Variants in LRBA observed in about 807,000 individuals in gnomAD.
LRBA encodes the protein LPS responsive beige-like anchor protein.
In LRBA, 176 loss-of-function variants were observed where a neutral mutation model predicts 330.0. The observed-to-expected ratio is 0.53, with a 90% CI of 0.47 to 0.60. The LOEUF (loss-of-function observed/expected upper bound fraction) is 0.60, where lower values mean the gene tolerates loss of function less well. Ranked by LOEUF, LRBA falls within the 20% of genes least tolerant of loss-of-function variation. LRBA has a pLI of 0.00. For missense variants in LRBA, 3,259 were observed against 3,444.8 expected (o/e 0.95, Z 1.35); for synonymous variants, 1,230 against 1,193.0 (o/e 1.03, Z -0.64).
At chr4:150,307,829 T>G (rs892836627) in intron 52 of LRBA, among the ~76,000 whole-genome samples, 1 of 152,172 alleles carries the variant, frequency 6.6e-6, no homozygotes, top group Admixed American at 6.5e-5. Flanking sequence ...CCCATAGACT[T>G]AAACATCTAG....
intron 34 of LRBA, among the ~76,000 whole-genome samples, chr4:150,796,270 C>G (rs1263597702): frequency 1.3e-5 from 2 of 151,912 alleles, no homozygotes; most frequent in Non-Finnish European, 2.9e-5. Context: ...CAAAATAAAT[C>G]ACTTTTGTGA....
rs764342719 is a variant in LRBA, at chr4:150,870,633, T to A, written c.2368-27A>T. 2.5e-5 allele frequency: 27 copies of A among 1,059,844 alleles called. No individual in the cohort carries two copies. The Middle Eastern group carries it at 2.2e-3, about 87-fold the overall frequency. 65.7% of individuals were successfully genotyped at this position (1,059,844 alleles called of 1,614,324 possible). On this transcript the variant is annotated intron_variant, in intron 19 of 56. Coordinates refer to ENST00000651943, the MANE Select transcript of LRBA (RefSeq NM_001364905.1). Reference sequence around the variant, plus strand: ...TACAGAAGTAAAACAATGGATTACATTAGCAAATCACTGGATTAGCATCAC... The same window carrying A: ...TACAGAAGTAAAACAATGGATTACAATAGCAAATCACTGGATTAGCATCAC...
intron 36 of LRBA, among the ~76,000 whole-genome samples, chr4:150,728,657 TA>T (rs1730031403): frequency 7.2e-6 from 1 of 139,256 alleles, no homozygotes; most frequent in African/African-American, 3.1e-5. Context: ...CCGTTCATGA[TA>T]AAAACCCTCA....
chr4:150,267,487 A>G (rs1215059870), intron 56 of LRBA, among the ~76,000 whole-genome samples: 2 of 152,230 alleles, frequency 1.3e-5, no homozygotes, highest in African/African-American at 4.8e-5. Context: ...TGAAAAGGAA[A>G]TACAACAAGC....
intron 17 of LRBA, among the ~76,000 whole-genome samples, chr4:150,883,751 C>T (rs1728650736): frequency 6.6e-6 from 1 of 152,106 alleles, no homozygotes; most frequent in South Asian, 2.1e-4. Flanking sequence ...AATATTTCTA[C>T]CCAGTTTAAG....
intron 47 of LRBA, among the ~76,000 whole-genome samples, chr4:150,382,523 C>A (rs910533216): frequency 2.0e-5 from 3 of 151,120 alleles, no homozygotes; most frequent in Admixed American, 6.6e-5. Flanking sequence ...CTCAGGAGGC[C>A]GAGGCAAGAG....
At chr4:150,929,786 A>C (rs1426260594) in intron 2 of LRBA, among the ~76,000 whole-genome samples, 1 of 152,086 alleles carries the variant, frequency 6.6e-6, no homozygotes, top group Non-Finnish European at 1.5e-5. Context: ...GAGCTATCTC[A>C]TTTAACTAGA....
At chr4:150,265,892 C>T (rs1463979934) in intron 56 of LRBA, 80 bp from the exon 57 acceptor site, 13 of 849,088 alleles carry the variant, frequency 1.5e-5, no homozygotes, top group Non-Finnish European at 2.4e-5. Context: ...TCCCCAAATC[C>T]ACAAGGTAAA....
At chr4:150,899,489 T>TA (rs1356114211) in intron 14 of LRBA, among the ~76,000 whole-genome samples, 1 of 152,130 alleles carries the variant, frequency 6.6e-6, no homozygotes, top group Non-Finnish European at 1.5e-5. Context: ...CTGTTATAGT[T>TA]ACAACCAAAA....
intron 56 of LRBA, among the ~76,000 whole-genome samples, chr4:150,268,493 A>T (rs1318314845): frequency 1.3e-5 from 2 of 152,344 alleles, no homozygotes; most frequent in South Asian, 4.1e-4. Flanking sequence ...GAACACACAG[A>T]CCAGGATACA....
At chr4:150,963,218 G>T (rs909422846) in intron 2 of LRBA, among the ~76,000 whole-genome samples, 1 of 148,128 alleles carries the variant, frequency 6.8e-6, no homozygotes, top group Admixed American at 6.6e-5. Context: ...CCTTTGCACG[G>T]TCTCCCTCTG....
At chr4:150,615,772 T>C (rs1400901123) in intron 37 of LRBA, among the ~76,000 whole-genome samples, 1 of 152,056 alleles carries the variant, frequency 6.6e-6, no homozygotes, top group Non-Finnish European at 1.5e-5. Flanking sequence ...AGACCATATT[T>C]CCCAATCTCC....
At chr4:150,607,479 G>T (rs984131449) in intron 37 of LRBA, among the ~76,000 whole-genome samples, 1 of 151,508 alleles carries the variant, frequency 6.6e-6, no homozygotes, top group East Asian at 1.9e-4. Context: ...AATAAATACA[G>T]GTTAAACAGG....
At chr4:150,307,761 GA>G (rs1221057748) in intron 52 of LRBA, among the ~76,000 whole-genome samples, 2 of 151,250 alleles carry the variant, frequency 1.3e-5, no homozygotes, top group African/African-American at 2.4e-5. Context: ...AAAATAGGCA[GA>G]AAAAAAAGAC....
At chr4:150,616,321 C>T (rs1392770304) in intron 37 of LRBA, among the ~76,000 whole-genome samples, 2 of 151,952 alleles carry the variant, frequency 1.3e-5, no homozygotes, top group African/African-American at 4.8e-5. Context: ...TGTACCAGCT[C>T]AACAATAAAG....
chr4:150,459,760 T>G (rs1440117341), intron 44 of LRBA, among the ~76,000 whole-genome samples: 1 of 151,944 alleles, frequency 6.6e-6, no homozygotes, highest in African/African-American at 2.4e-5. Flanking sequence ...AAAATCAATG[T>G]GGCATACAAC....
intron 2 of LRBA, among the ~76,000 whole-genome samples, chr4:150,985,529 C>T (rs1741354696): frequency 1.3e-5 from 2 of 149,836 alleles, no homozygotes; most frequent in East Asian, 2.0e-4. Context: ...GATGGAGTCT[C>T]GCTCTATTGC....
At chr4:150,741,940 G>T (rs937806656) in intron 35 of LRBA, among the ~76,000 whole-genome samples, 3 of 151,710 alleles carry the variant, frequency 2.0e-5, no homozygotes, top group African/African-American at 4.8e-5. Flanking sequence ...TTAATAAAAT[G>T]TCTTAGATGT....
intron 2 of LRBA, among the ~76,000 whole-genome samples, chr4:150,942,778 T>C (rs953833405): frequency 6.6e-6 from 1 of 152,104 alleles, no homozygotes; most frequent in Non-Finnish European, 1.5e-5. Flanking sequence ...AAAAAAAATG[T>C]GTCCATTCAT....
Sources: allele counts gnomAD v4.1 joint callset (sites outside exome capture counted in the v4.1 genomes callset), GRCh38; gene constraint gnomAD v4.1.1; transcripts MANE v1.5; gene names NCBI Gene and HGNC (gene_info 2026-07-23, HGNC 2026-07-21).